TYR: variants seen among roughly 807,000 people sequenced by gnomAD.
TYR encodes tyrosinase, also known as LB24-AB.
Under a neutral mutation model 51.5 loss-of-function variants are expected in TYR, and 58 were observed. The observed-to-expected ratio is 1.13, with a 90% CI of 0.91 to 1.40. TYR has a LOEUF of 1.40. TYR is among the 40% of genes most tolerant of loss of function. The pLI, the probability that TYR is intolerant of heterozygous loss-of-function variation, is 0.00. For missense variants in TYR, 732 were observed against 647.4 expected (o/e 1.13, Z -1.42); for synonymous variants, 263 against 235.2 (o/e 1.12, Z -1.08).
Position 89,178,020 on chromosome 11 carries a change from G to A in TYR, c.67G>A (p.Ala23Thr), listed in dbSNP as rs1373014646. 14 of 1,614,040 alleles carry A rather than the reference G, an allele frequency of 8.7e-6. No individual in the cohort carries two copies. The highest frequency in any genetic ancestry group is 1.1e-5 in the Non-Finnish European group (13 of 1,180,024). Residue 23 changes from alanine to threonine, a missense_variant, in exon 1 of 5, where the codon GCC becomes ACC. Physicochemically the swap from Ala to Thr is moderately conservative, Grantham distance 58. Transcript: ENST00000263321. ...FQTSAGHFPR[A>T]CVSSKNLMEK... ...GACCTCCGCTGGCCATTTCCCTAGA[G>A]CCTGTGTCTCCTCTAAGAACCTGAT... is the stretch of plus-strand genomic sequence containing the variant.
chr11:89,210,873 G>T (rs1943745008), intron 2 of TYR, among the ~76,000 whole-genome samples: 2 of 152,164 alleles, frequency 1.3e-5, no homozygotes, highest in Non-Finnish European at 2.9e-5. Flanking sequence ...AGATTCCTAA[G>T]TGAAGGAGAA....
At chr11:89,244,508 A>C (rs113729146) in intron 3 of TYR, among the ~76,000 whole-genome samples, 5,137 of 152,328 alleles carry the variant, frequency 0.034, 131 homozygotes, top group South Asian at 0.049. Context: ...AACTCTTGCA[A>C]ATCCATGTCT....
chr11:89,256,218 AT>A (rs2135303334), intron 3 of TYR, among the ~76,000 whole-genome samples: 1 of 151,956 alleles, frequency 6.6e-6, no homozygotes, highest in East Asian at 1.9e-4. Flanking sequence ...ACTTACAAAT[AT>A]TTTTAGAGCA....
chr11:89,186,137 G>T (rs1943369326), intron 1 of TYR, among the ~76,000 whole-genome samples: 1 of 152,148 alleles, frequency 6.6e-6, no homozygotes, highest in South Asian at 2.1e-4. Context: ...TCCAGAGAAA[G>T]TAGGCCATCT....
At position 89,207,671 on chromosome 11, in the gene TYR, C is replaced by G. The variant is rs184685673; in HGVS notation, c.1036+16253C>G. Among the ~76,000 whole-genome samples the G allele has an allele frequency of 9.1e-4, 138 of 152,166 alleles. 2 individuals carry two copies. The East Asian group carries it at 0.019, about 21-fold the overall frequency. ...AGGATGCCAAGAAAATGAGACAGATCAATATCCCTCATGTACATATATGTA... is the reference window on the plus strand; with the variant it reads ...AGGATGCCAAGAAAATGAGACAGATGAATATCCCTCATGTACATATATGTA... On this transcript the variant is annotated intron_variant, in intron 2 of 4. Coordinates refer to ENST00000263321, the MANE Select transcript of TYR (RefSeq NM_000372.5).
Position 89,227,945 on chromosome 11 carries a change from C to T in TYR, c.1159C>T (p.Leu387Phe). The T allele has an allele frequency of 6.2e-7, 1 of 1,613,492 alleles. No homozygotes were observed. Among genetic ancestry groups the T allele is most frequent in the Admixed American group, 1.7e-5 (1 of 59,930 alleles). ...VQGSANDPIF[L>F]LHHAFVDSIF... ...GGGATCTGCCAACGATCCTATCTTCCTTCTTCACCATGCATTTGTTGACAG... is the reference window on the plus strand; with the variant it reads ...GGGATCTGCCAACGATCCTATCTTCTTTCTTCACCATGCATTTGTTGACAG... The change falls in exon 3 of 5, where the codon CTT becomes TTT. Residue 387 changes from leucine to phenylalanine, a missense_variant. Transcript: ENST00000263321.
At chr11:89,245,140 G>A (rs7924589) in intron 3 of TYR, among the ~76,000 whole-genome samples, 60,256 of 151,966 alleles carry the variant, frequency 0.4, 12,269 homozygotes, top group African/African-American at 0.49. Flanking sequence ...TTTTACTTGT[G>A]ACATTTGTGT....
rs115757842 is a variant in TYR at position 89,267,592 on chromosome 11, G to A, written c.1185-17181G>A. Among the ~76,000 whole-genome samples the A allele has an allele frequency of 5.2e-3, 783 of 151,874 alleles. 4 individuals carry two copies. Among genetic ancestry groups the A allele is most frequent in the African/African-American group, 0.017 (706 of 41,458 alleles). ...TAATATATTCTCCTCATTCCCAGGG[G>A]ATACTTCTGAAAACCCTCTGGGATA... On this transcript the variant is annotated intron_variant, in intron 3 of 4. Transcript: ENST00000263321.
chr11:89,196,776 C>T (rs1943524976), intron 2 of TYR, among the ~76,000 whole-genome samples: 1 of 152,136 alleles, frequency 6.6e-6, no homozygotes, highest in South Asian at 2.1e-4. Context: ...GATAACACCA[C>T]CATGTGACCC....
At chr11:89,193,623 A>G (rs566797845) in intron 2 of TYR, among the ~76,000 whole-genome samples, 1 of 152,260 alleles carries the variant, frequency 6.6e-6, no homozygotes, top group African/African-American at 2.4e-5. Context: ...TTCAAATTGC[A>G]TCTAAACCAC....
Position 89,233,729 on chromosome 11 carries a change from T to A in TYR, c.1184+5759T>A, listed in dbSNP as rs1367376273. Reference sequence around the variant, plus strand: ...TATAAATGAGCAGTAATATTTTGAATGGAATTGTTTTTCCAGGGAGTTGGT... The same window carrying A: ...TATAAATGAGCAGTAATATTTTGAAAGGAATTGTTTTTCCAGGGAGTTGGT... On this transcript the variant is annotated intron_variant, in intron 3 of 4. Coordinates refer to ENST00000263321, the MANE Select transcript of TYR (RefSeq NM_000372.5). Among the ~76,000 whole-genome samples, 2 of 142,878 alleles carry A rather than the reference T, an allele frequency of 1.4e-5. 1 individual carries two copies. The highest frequency in any genetic ancestry group is 3.0e-5 in the Non-Finnish European group (2 of 66,522). 93.7% of individuals were successfully genotyped at this position (142,878 alleles called of 152,430 possible).
rs1944894763 is a variant in TYR, at chr11:89,295,232, G to T, written c.1456G>T (p.Ala486Ser). The T allele has an allele frequency of 6.2e-7, 1 of 1,613,896 alleles. No homozygotes were observed. Among genetic ancestry groups the T allele is most frequent in the African/African-American group, 1.3e-5 (1 of 74,936 alleles). The change falls in exon 5 of 5, where the codon GCC becomes TCC. Residue 486 changes from alanine to serine, a missense_variant. Ala to Ser is a moderately conservative substitution (Grantham distance 99, BLOSUM62 1). Transcript: ENST00000263321. ...SWLLGAAMVG[A>S]VLTALLAGLV... ...GCTCCTTGGGGCGGCGATGGTAGGGGCCGTCCTCACTGCCCTGCTGGCAGG... is the reference window on the plus strand; with the variant it reads ...GCTCCTTGGGGCGGCGATGGTAGGGTCCGTCCTCACTGCCCTGCTGGCAGG...
chr11:89,179,022 T>C (rs12270717), intron 1 of TYR, among the ~76,000 whole-genome samples: 36,554 of 152,146 alleles, frequency 0.24, 4,594 homozygotes, highest in Non-Finnish European at 0.28. Flanking sequence ...CTTGATTCAT[T>C]ATTGCATTTC....
At chr11:89,262,868 A>AAC (rs1944477391) in intron 3 of TYR, among the ~76,000 whole-genome samples, 1 of 147,046 alleles carries the variant, frequency 6.8e-6, no homozygotes, top group Non-Finnish European at 1.5e-5. Context: ...AAAAAAAAAA[A>AAC]AAAACAACAA....
At chr11:89,263,754 A>G (rs1944490559) in intron 3 of TYR, among the ~76,000 whole-genome samples, 1 of 152,102 alleles carries the variant, frequency 6.6e-6, no homozygotes, top group Admixed American at 6.6e-5. Flanking sequence ...CAGAAAGAAT[A>G]GAATACTTAG....
At chr11:89,294,368 CTAT>C (rs1368376832) in intron 4 of TYR, 1 of 153,112 alleles carries the variant, frequency 6.5e-6, no homozygotes, top group Non-Finnish European at 1.5e-5. Flanking sequence ...ACCCGAAGGG[CTAT>C]TATTCTTACA....
At chr11:89,201,243 A>G (rs910372710) in intron 2 of TYR, among the ~76,000 whole-genome samples, 3 of 152,140 alleles carry the variant, frequency 2.0e-5, no homozygotes, top group Admixed American at 1.3e-4. Flanking sequence ...AAATACCATT[A>G]GCTTTTTTTT....
intron 1 of TYR, among the ~76,000 whole-genome samples, chr11:89,184,929 G>GC (rs1591138427): frequency 6.6e-6 from 1 of 152,126 alleles, no homozygotes; most frequent in Non-Finnish European, 1.5e-5. Flanking sequence ...ATGGTGGGGG[G>GC]ACTGCCCATT....
At chr11:89,289,279 C>A (rs1282191268) in intron 4 of TYR, among the ~76,000 whole-genome samples, 2 of 152,046 alleles carry the variant, frequency 1.3e-5, no homozygotes, top group Non-Finnish European at 1.5e-5. Flanking sequence ...AACTGCAGTG[C>A]CCCATTCTGC....
Sources: allele counts gnomAD v4.1 joint callset (sites outside exome capture counted in the v4.1 genomes callset), GRCh38; gene constraint gnomAD v4.1.1; transcripts MANE v1.5; gene names NCBI Gene and HGNC (gene_info 2026-07-23, HGNC 2026-07-21).